Variants in ADARB2 observed in about 807,000 individuals in gnomAD.
The protein encoded by ADARB2 is inactive double-stranded RNA-specific editase B2.
ADARB2 carries 25 observed loss-of-function variants against 62.2 expected under a neutral mutation model. That is an observed-to-expected ratio of 0.40 (90% confidence interval 0.29 to 0.56). The LOEUF (loss-of-function observed/expected upper bound fraction) is 0.56, where lower values mean the gene tolerates loss of function less well. ADARB2 is among the 20% of genes least tolerant of loss of function. The pLI is 0.43. For missense variants in ADARB2, 1,071 were observed against 1,077.4 expected, an observed-to-expected ratio of 0.99 and a Z score of 0.08; for synonymous variants, 572 against 500.8, an observed-to-expected ratio of 1.14 and a Z score of -1.90.
At chr10:1,344,075 G>C (rs941266878) in intron 3 of ADARB2, among the ~76,000 whole-genome samples, 1 of 152,178 alleles carries the variant, frequency 6.6e-6, no homozygotes, top group Non-Finnish European at 1.5e-5. Context: ...TGATTGAGCA[G>C]GGCTGGGTCC....
intron 1 of ADARB2, among the ~76,000 whole-genome samples, chr10:1,415,491 T>C (rs927027441): frequency 2.0e-5 from 1 of 51,202 alleles, no homozygotes; most frequent in Non-Finnish European, 7.4e-5. Flanking sequence ...GATACATGAG[T>C]TGGCCAGATA....
chr10:1,505,067 C>T (rs2813434), intron 1 of ADARB2, among the ~76,000 whole-genome samples: 24,703 of 151,752 alleles, frequency 0.16, 2,283 homozygotes, highest in Middle Eastern at 0.23. Context: ...TGCATACAGA[C>T]ACACACGGAT....
chr10:1,465,287 G>A (rs1831240139), intron 1 of ADARB2, among the ~76,000 whole-genome samples: 1 of 152,194 alleles, frequency 6.6e-6, no homozygotes, highest in African/African-American at 2.4e-5. Context: ...TTTTACATTT[G>A]ATGGTGCTTT....
intron 1 of ADARB2, among the ~76,000 whole-genome samples, chr10:1,724,780 C>G (rs189344802): frequency 6.6e-6 from 1 of 152,294 alleles, no homozygotes; most frequent in East Asian, 1.9e-4. Flanking sequence ...AGGATGTAAC[C>G]TAGGGTGGGG....
At chr10:1,253,082 A>G (rs1433533596) in intron 4 of ADARB2, among the ~76,000 whole-genome samples, 1 of 152,254 alleles carries the variant, frequency 6.6e-6, no homozygotes, top group Non-Finnish European at 1.5e-5. Flanking sequence ...ACTTGAGGCA[A>G]GAATTTAATT....
intron 1 of ADARB2, among the ~76,000 whole-genome samples, chr10:1,552,099 G>T (rs1832633478): frequency 6.6e-6 from 1 of 152,182 alleles, no homozygotes; most frequent in African/African-American, 2.4e-5. Flanking sequence ...TCCCAATCCT[G>T]CCACCAAGTC....
intron 4 of ADARB2, among the ~76,000 whole-genome samples, chr10:1,243,885 G>A (rs1830951864): frequency 6.6e-6 from 1 of 151,892 alleles, no homozygotes; most frequent in Non-Finnish European, 1.5e-5. Context: ...TGGTCCTGTT[G>A]TCTACCCACT....
intron 7 of ADARB2, among the ~76,000 whole-genome samples, chr10:1,215,474 C>T (rs1017926025): frequency 1.3e-5 from 2 of 152,228 alleles, no homozygotes; most frequent in Non-Finnish European, 2.9e-5. Context: ...CTTCCTGGCC[C>T]TCCCCACTCA....
Position 1,363,382 on chromosome 10 carries a change from G to T in ADARB2, c.723C>A (p.Pro241=). The part of the protein sequence containing the change: ...APRPGLAGGR[P]GDAALLSAAY... ...CCGCGGACAGAAGCGCGGCGTCCCC[G>T]GGGCGGCCTCCCGCGAGTCCGGGGC... Residue 241 remains proline (P), a synonymous_variant, in exon 3 of 10, where the codon CCC becomes CCA. Transcript: ENST00000381312. 1.5e-6 allele frequency: 2 copies of T among 1,329,998 alleles called. No individual in the cohort carries two copies. Among genetic ancestry groups the T allele is most frequent in the Non-Finnish European group, 9.6e-7 (1 of 1,039,148 alleles). 82.4% of individuals were successfully genotyped at this position (1,329,998 alleles called of 1,614,324 possible).
intron 1 of ADARB2, among the ~76,000 whole-genome samples, chr10:1,645,187 C>T (rs116825354): frequency 0.013 from 1,943 of 152,344 alleles, 13 homozygotes; most frequent in Middle Eastern, 0.027. Flanking sequence ...GCACTTAAGA[C>T]GCTTCAGTCA....
chr10:1,560,579 C>CA, intron 1 of ADARB2, among the ~76,000 whole-genome samples: 1 of 24,346 alleles, frequency 4.1e-5, no homozygotes. Context: ...CGTGAACACA[C>CA]GGGGGGTGGG....
At chr10:1,592,320 C>T (rs71500146) in intron 1 of ADARB2, among the ~76,000 whole-genome samples, 6 of 89,818 alleles carry the variant, frequency 6.7e-5, no homozygotes, top group African/African-American at 2.1e-4. Flanking sequence ...ACCCAGCTTC[C>T]CTCGCCCAAG....
At chr10:1,702,712 C>T (rs543192284) in intron 1 of ADARB2, among the ~76,000 whole-genome samples, 1 of 152,298 alleles carries the variant, frequency 6.6e-6, no homozygotes, top group South Asian at 2.1e-4. Context: ...TCTCTGGGCC[C>T]CACATTTGAG....
chr10:1,270,921 T>C (rs541546270), intron 4 of ADARB2, 34 bp downstream of exon 4: 1 of 1,585,412 alleles, frequency 6.3e-7, no homozygotes, highest in African/African-American at 1.3e-5. Context: ...TCTTTAGAGA[T>C]GAAAATGCCC....
At chr10:1,727,593 C>T (rs1835182309) in intron 1 of ADARB2, among the ~76,000 whole-genome samples, 1 of 152,112 alleles carries the variant, frequency 6.6e-6, no homozygotes, top group Non-Finnish European at 1.5e-5. Context: ...AAGGGGTTTA[C>T]ATTTTAACGG....
intron 1 of ADARB2, among the ~76,000 whole-genome samples, chr10:1,440,461 A>C (rs1360231348): frequency 6.7e-6 from 1 of 149,822 alleles, no homozygotes; most frequent in African/African-American, 2.5e-5. Context: ...AACTGGTAGC[A>C]TCTGGCTCAG....
At chr10:1,689,755 G>A (rs370976586) in intron 1 of ADARB2, among the ~76,000 whole-genome samples, 8 of 152,292 alleles carry the variant, frequency 5.3e-5, no homozygotes, top group East Asian at 1.9e-4. Flanking sequence ...CTGCCTATAC[G>A]CATATGTGTG....
At chr10:1,350,950 C>G (rs992018563) in intron 3 of ADARB2, among the ~76,000 whole-genome samples, 1 of 152,208 alleles carries the variant, frequency 6.6e-6, no homozygotes, top group Admixed American at 6.5e-5. Flanking sequence ...ATCTCCAGCA[C>G]GCAAGAACTG....
In ADARB2 at chr10:1,488,464, C is replaced by A. The variant is rs902805444; in HGVS notation, c.101-109304G>T. Among the ~76,000 whole-genome samples, 4 of 152,290 alleles carry A rather than the reference C, an allele frequency of 2.6e-5. No individual in the cohort carries two copies. The East Asian group carries it at 5.8e-4, about 22-fold the overall frequency. ...AGAGTGACCTTCAGGGAGGGCATTA[C>A]TGAATTGGTGTGAAAATAGACAAGT... On this transcript the variant is annotated intron_variant, in intron 1 of 9. Transcript: ENST00000381312.
Sources: allele counts gnomAD v4.1 joint callset (sites outside exome capture counted in the v4.1 genomes callset), GRCh38; gene constraint gnomAD v4.1.1; transcripts MANE v1.5; gene names NCBI Gene and HGNC (gene_info 2026-07-23, HGNC 2026-07-21).